PRKAG3: variants seen among roughly 807,000 people sequenced by gnomAD.
The protein encoded by PRKAG3 is protein kinase AMP-activated non-catalytic subunit gamma 3, also known as 5'-AMP-activated protein kinase subunit gamma-3.
In PRKAG3, 39 loss-of-function variants were observed where a neutral mutation model predicts 56.5. The observed-to-expected ratio is 0.69, with a 90% CI of 0.53 to 0.90. The LOEUF (loss-of-function observed/expected upper bound fraction) is 0.90. Ranked by LOEUF, PRKAG3 falls within the 40% of genes least tolerant of loss-of-function variation. PRKAG3 has a pLI of 0.00. For synonymous variants in PRKAG3, 243 were observed against 250.1 expected (o/e 0.97, Z 0.27); for missense variants, 628 against 627.5 (o/e 1.00, Z -0.01).
chr2:218,826,887 G>GC (rs1411722747), intron 10 of PRKAG3, 41 bp downstream of exon 10: 2 of 1,611,878 alleles, frequency 1.2e-6, no homozygotes, highest in Non-Finnish European at 1.7e-6. Context: ...GTTCTCCCAG[G>GC]CCCCAGCCCA....
chr2:218,830,047 C>T, exon 4 of PRKAG3: 1 of 1,614,028 alleles, frequency 6.2e-7, no homozygotes, highest in Non-Finnish European at 8.5e-7. Context: ...TGTGCTCCTG[C>T]ATGAAGCGCA....
chr2:218,823,011 TG>T, downstream of PRKAG3: 1 of 984,884 alleles, frequency 1.0e-6, no homozygotes, highest in Non-Finnish European at 1.2e-6. Context: ...CATGGTGCAC[TG>T]GGCATGCCCG....
In PRKAG3 at chr2:218,827,123, A is replaced by G. The variant is rs1943944994; in HGVS notation, c.1003-30T>C. 1 of 1,612,482 alleles carries G rather than the reference A, an allele frequency of 6.2e-7. No individual in the cohort carries two copies. The highest frequency in any genetic ancestry group is 1.3e-5 in the African/African-American group (1 of 74,866). Reference sequence around the variant, plus strand: ...TTAGGATGGGGACCAGGTGGAGATCAGGGATCCAGCAGCTTCAAGAGGGCT... The same window carrying G: ...TTAGGATGGGGACCAGGTGGAGATCGGGGATCCAGCAGCTTCAAGAGGGCT... On this transcript the variant is annotated intron_variant, in intron 9 of 12. Transcript: ENST00000529249. The surrounding 1 kb of genome is among the most constrained non-coding windows in gnomAD (Gnocchi z 5.3).
In PRKAG3 at chr2:218,827,564, G is replaced by C. The variant is rs375652902; in HGVS notation, c.875+11C>G. On this transcript the variant is annotated intron_variant, in intron 8 of 12. Coordinates refer to ENST00000529249, the Ensembl canonical transcript of PRKAG3. This position sits in a 1 kb window ranked among gnomAD's most constrained non-coding sequence, Gnocchi z 5.3. ...AGGAGGAGGCTCAGGTGAATGAGCA[G>C]AGACACCCACCTATCATTAGGAGAG... The C allele has an allele frequency of 1.9e-6, 3 of 1,613,038 alleles. No individual in the cohort carries two copies. Among genetic ancestry groups the C allele is most frequent in the African/African-American group, 2.7e-5 (2 of 74,868 alleles).
chr2:218,825,612 C>A (rs1193079825), intron 10 of PRKAG3, among the ~76,000 whole-genome samples: 1 of 151,938 alleles, frequency 6.6e-6, no homozygotes, highest in Non-Finnish European at 1.5e-5. Context: ...GGCACCACTG[C>A]ACTTTAGCCT....
chr2:218,830,712 G>C (rs368998987), intron 3 of PRKAG3, 34 bp downstream of exon 3: 44 of 1,604,108 alleles, frequency 2.7e-5, no homozygotes, highest in Middle Eastern at 2.3e-4. Flanking sequence ...CACTCCCCTG[G>C]CTCCCACCTC....
chr2:218,823,041 G>T, downstream of PRKAG3: 2 of 980,018 alleles, frequency 2.0e-6, no homozygotes, highest in African/African-American at 3.5e-5. Flanking sequence ...TGGGAGCACA[G>T]GTAGGGCAAG....
At chr2:218,825,118 C>G (rs1421793858) in intron 10 of PRKAG3, among the ~76,000 whole-genome samples, 1 of 152,064 alleles carries the variant, frequency 6.6e-6, no homozygotes, top group Non-Finnish European at 1.5e-5. Flanking sequence ...GGGTGGATCA[C>G]AAGGTCAGGA....
intron 5 of PRKAG3, 120 bp downstream of exon 5, chr2:218,828,399 C>A: frequency 8.9e-7 from 1 of 1,120,020 alleles, no homozygotes; most frequent in Non-Finnish European, 1.3e-6. Flanking sequence ...CACCCTGGCC[C>A]CTGGCTGGGC....
At chr2:218,825,364 C>G (rs1456790444) in intron 10 of PRKAG3, among the ~76,000 whole-genome samples, 2 of 150,542 alleles carry the variant, frequency 1.3e-5, no homozygotes, top group Non-Finnish European at 2.9e-5. Context: ...AATTCTTGGC[C>G]GGTCGCGGTG....
At chr2:218,823,671 G>C in exon 13 of PRKAG3, 1 of 1,602,054 alleles carries the variant, frequency 6.2e-7, no homozygotes, top group South Asian at 1.1e-5. Flanking sequence ...ACCAGCAAAT[G>C]GGGGTGGGGG....
exon 10 of PRKAG3, chr2:218,826,965 G>C: frequency 1.9e-6 from 3 of 1,614,158 alleles, no homozygotes; most frequent in Non-Finnish European, 1.7e-6. Context: ...ACACACGCCG[G>C]TCCACAAAGA....
rs1943946926 is a variant in PRKAG3, at chr2:218,827,270, G to C, written c.979C>G (p.Leu327Val). Reference sequence around the variant, plus strand: ...ACAAAGATGTGCAGGAACTTGAGCAGGCGTTTGTGTGTGAGGATGTGGAGT... The same window carrying C: ...ACAAAGATGTGCAGGAACTTGAGCACGCGTTTGTGTGTGAGGATGTGGAGT... Residue 327 changes from leucine to valine, a missense_variant, in exon 9 of 13, where the codon CTG becomes GTG. By Grantham distance (32) the Leu-to-Val change is conservative. Transcript: ENST00000529249. This position sits in a 1 kb window ranked among gnomAD's most constrained non-coding sequence, Gnocchi z 5.3. The C allele has an allele frequency of 3.7e-6, 6 of 1,614,202 alleles. No homozygotes were observed. Among genetic ancestry groups the C allele is most frequent in the Non-Finnish European group, 5.1e-6 (6 of 1,180,046 alleles).
intron 3 of PRKAG3, 60 bp downstream of exon 3, chr2:218,830,686 C>A: frequency 6.4e-7 from 1 of 1,573,380 alleles, no homozygotes; most frequent in Non-Finnish European, 8.6e-7. Flanking sequence ...CAGACCCAGG[C>A]TCCTCTGGGA....
chr2:218,827,692 G>T lies in PRKAG3; in HGVS notation c.821-63C>A. On this transcript the variant is annotated intron_variant, in intron 7 of 12. Coordinates refer to ENST00000529249, the Ensembl canonical transcript of PRKAG3. This position sits in a 1 kb window ranked among gnomAD's most constrained non-coding sequence, Gnocchi z 5.3. ...CACCTGCCTCACCTTGCAGTCCCAG[G>T]CAGCTTCCCTTCCGTCAGGCACCCG... 1.3e-6 allele frequency: 2 copies of T among 1,588,894 alleles called. No individual in the cohort carries two copies. The highest frequency in any genetic ancestry group is 1.7e-6 in the Non-Finnish European group (2 of 1,157,414).
chr2:218,830,879 T>C (rs1179162465), exon 3 of PRKAG3: 36 of 1,613,748 alleles, frequency 2.2e-5, no homozygotes, highest in Non-Finnish European at 3.0e-5. Flanking sequence ...AGCTGCTGTT[T>C]TCTTGCTCTA....
Position 218,827,511 on chromosome 2 carries a change from G to A in PRKAG3, c.875+64C>T. On this transcript the variant is annotated intron_variant, in intron 8 of 12. Transcript: ENST00000529249. The surrounding 1 kb of genome is among the most constrained non-coding windows in gnomAD (Gnocchi z 5.3). The stretch of plus-strand genomic sequence containing the variant: ...AGGATGAAGAGGTGAGTTCAGAGCT[G>A]AGTGGGACTGGGGAAGGGGACTGTG... 1.2e-6 allele frequency: 2 copies of A among 1,600,702 alleles called. No homozygotes were observed. Among genetic ancestry groups the A allele is most frequent in the Non-Finnish European group, 1.7e-6 (2 of 1,168,124 alleles).
At position 218,824,388 on chromosome 2, in the gene PRKAG3, A is replaced by G; in HGVS notation, c.1207-20T>C. The G allele has an allele frequency of 6.2e-7, 1 of 1,614,058 alleles. No individual in the cohort carries two copies. The highest frequency in any genetic ancestry group is 1.7e-5 in the Admixed American group (1 of 60,002). On this transcript the variant is annotated intron_variant, in intron 11 of 12. Coordinates refer to ENST00000529249, the Ensembl canonical transcript of PRKAG3. ...CAGGTGCTGGGGCAGAGAGAGAAGT[A>G]TGGCTCCTAGTCACCCCCTTGCCTG...
In PRKAG3 at chr2:218,825,811, C is replaced by T. The variant is rs1943923973; in HGVS notation, c.1168+1117G>A. ...CTCGCTCTGTTGCCAGGCTGGAGTA[C>T]AGTGGCGCGATCTTGGCTCACTGCA... On this transcript the variant is annotated intron_variant, in intron 10 of 12. Coordinates refer to ENST00000529249, the Ensembl canonical transcript of PRKAG3. Among the ~76,000 whole-genome samples, 3 of 145,894 alleles carry T rather than the reference C, an allele frequency of 2.1e-5. No homozygotes were observed. The South Asian group carries it at 6.6e-4, about 32-fold the overall frequency.
Sources: allele counts gnomAD v4.1 joint callset (sites outside exome capture counted in the v4.1 genomes callset), GRCh38; gene constraint gnomAD v4.1.1; non-coding constraint Gnocchi (gnomAD v3.1); transcripts MANE v1.5; gene names NCBI Gene and HGNC (gene_info 2026-07-23, HGNC 2026-07-21).